The following CNTN5 variants were observed in gnomAD, a reference collection of about 807,000 sequenced individuals.
The protein encoded by CNTN5 is contactin 5.
In CNTN5, 77 loss-of-function variants were observed where a neutral mutation model predicts 129.1. The observed-to-expected ratio is 0.60, with a 90% CI of 0.50 to 0.72. CNTN5 has a LOEUF of 0.72. CNTN5 is among the 30% of genes least tolerant of loss of function. The pLI is 0.00. For synonymous variants in CNTN5, 509 were observed against 465.6 expected, an observed-to-expected ratio of 1.09 and a Z score of -1.20; for missense variants, 1,478 against 1,328.8, an observed-to-expected ratio of 1.11 and a Z score of -1.75.
intron 1 of CNTN5, among the ~76,000 whole-genome samples, chr11:99,193,194 T>C (rs11218743): frequency 0.21 from 32,247 of 152,142 alleles, 3,500 homozygotes; most frequent in Middle Eastern, 0.26. Flanking sequence ...GGGGATAATA[T>C]ACAAAGCTCT....
At chr11:100,156,996 G>A (rs959824290) in intron 13 of CNTN5, among the ~76,000 whole-genome samples, 1 of 151,904 alleles carries the variant, frequency 6.6e-6, no homozygotes, top group Non-Finnish European at 1.5e-5. Context: ...GTCTCCTTCA[G>A]TTCTGCTCTG....
chr11:99,272,228 TA>T (rs1482894973), intron 1 of CNTN5, among the ~76,000 whole-genome samples: 5 of 151,822 alleles, frequency 3.3e-5, no homozygotes, highest in African/African-American at 4.8e-5. Context: ...TGTATGCTTT[TA>T]AATATTGTCT....
intron 18 of CNTN5, among the ~76,000 whole-genome samples, chr11:100,276,954 C>A (rs1007231311): frequency 5.3e-5 from 8 of 151,806 alleles, no homozygotes; most frequent in Admixed American, 5.3e-4. Context: ...TCTTCCCTTC[C>A]CCCCAACCCC....
chr11:100,062,882 T>C (rs1943539737), intron 10 of CNTN5, among the ~76,000 whole-genome samples: 1 of 152,194 alleles, frequency 6.6e-6, no homozygotes, highest in South Asian at 2.1e-4. Flanking sequence ...AAAGTTTTTT[T>C]CTGTACCCCA....
intron 3 of CNTN5, among the ~76,000 whole-genome samples, chr11:99,645,160 T>C (rs1188957419): frequency 7.1e-6 from 1 of 140,058 alleles, no homozygotes; most frequent in Non-Finnish European, 1.5e-5. Flanking sequence ...CTCGGGAGGC[T>C]GAAGCTGGAG....
At chr11:99,446,031 C>G (rs1327954797) in intron 2 of CNTN5, among the ~76,000 whole-genome samples, 1 of 150,994 alleles carries the variant, frequency 6.6e-6, no homozygotes, top group African/African-American at 2.4e-5. Context: ...TTGCAGTGAG[C>G]CAAGGTCGCA....
intron 8 of CNTN5, among the ~76,000 whole-genome samples, chr11:99,971,305 G>C (rs759715983): frequency 1.3e-5 from 2 of 152,110 alleles, no homozygotes; most frequent in Admixed American, 1.3e-4. Flanking sequence ...AGCACTTTGG[G>C]AGGCCAGGGC....
intron 3 of CNTN5, among the ~76,000 whole-genome samples, chr11:99,748,414 TAGAG>T (rs60403723): frequency 6.6e-6 from 1 of 150,916 alleles, no homozygotes; most frequent in African/African-American, 2.4e-5. Context: ...GAACAATCCA[TAGAG>T]AGAGAGAGAG....
intron 7 of CNTN5, among the ~76,000 whole-genome samples, chr11:99,955,429 A>C (rs1162466384): frequency 6.6e-6 from 1 of 152,084 alleles, no homozygotes; most frequent in Non-Finnish European, 1.5e-5. Context: ...TGATGGTAAC[A>C]GTAAAAAACA....
chr11:99,274,819 G>T (rs1247355473), intron 1 of CNTN5, among the ~76,000 whole-genome samples: 1 of 151,366 alleles, frequency 6.6e-6, no homozygotes, highest in Non-Finnish European at 1.5e-5. Context: ...CCTCCCAGAT[G>T]CTGTAAGAAA....
chr11:99,891,157 A>G (rs1432716272), intron 6 of CNTN5, among the ~76,000 whole-genome samples: 1 of 152,210 alleles, frequency 6.6e-6, no homozygotes, highest in African/African-American at 2.4e-5. Flanking sequence ...GTTAATAACA[A>G]TATATAAAAT....
intron 2 of CNTN5, among the ~76,000 whole-genome samples, chr11:99,534,379 A>G (rs1359326332): frequency 6.6e-6 from 1 of 152,188 alleles, no homozygotes; most frequent in Non-Finnish European, 1.5e-5. Context: ...TGAGATTTTC[A>G]TTTAAATAGT....
intron 3 of CNTN5, among the ~76,000 whole-genome samples, chr11:99,663,215 T>A (rs1952660092): frequency 1.3e-5 from 2 of 152,168 alleles, no homozygotes; most frequent in South Asian, 2.1e-4. Context: ...ATGCCTGTAA[T>A]CCCAGCACTT....
intron 3 of CNTN5, among the ~76,000 whole-genome samples, chr11:99,793,099 G>T (rs60157261): frequency 0.11 from 16,060 of 149,238 alleles, 1,513 homozygotes; most frequent in East Asian, 0.42. Context: ...TCACTCTGTC[G>T]CCCAGGCTGG....
intron 1 of CNTN5, among the ~76,000 whole-genome samples, chr11:99,234,448 C>A (rs73000211): frequency 0.031 from 4,763 of 151,890 alleles, 109 homozygotes; most frequent in Middle Eastern, 0.068. Flanking sequence ...CAACTGTTAA[C>A]TATTTACAGG....
intron 7 of CNTN5, among the ~76,000 whole-genome samples, chr11:99,932,233 C>T (rs1950209078): frequency 1.3e-5 from 2 of 152,152 alleles, no homozygotes; most frequent in South Asian, 4.1e-4. Flanking sequence ...CTGTTGTCAG[C>T]CCGGGCTGGA....
At chr11:100,263,573 C>T (rs1950246728) in intron 17 of CNTN5, among the ~76,000 whole-genome samples, 1 of 152,186 alleles carries the variant, frequency 6.6e-6, no homozygotes, top group Non-Finnish European at 1.5e-5. Context: ...CTCATATCAG[C>T]CTCATTCCTG....
chr11:99,864,943 T>C (rs1310499971), intron 6 of CNTN5, among the ~76,000 whole-genome samples: 5 of 152,140 alleles, frequency 3.3e-5, no homozygotes, highest in Non-Finnish European at 7.4e-5. Context: ...CTGTTAAGAA[T>C]AAAAACAATC....
intron 18 of CNTN5, among the ~76,000 whole-genome samples, chr11:100,286,145 A>C (rs1170434165): frequency 1.3e-5 from 2 of 152,104 alleles, no homozygotes; most frequent in Non-Finnish European, 2.9e-5. Context: ...CAGCAGTCTG[A>C]GATCAAACTG....
Sources: gnomAD v4.1 joint callset for allele counts (sites outside exome capture counted in the v4.1 genomes callset) on GRCh38, gnomAD v4.1.1 for gene constraint, MANE v1.5 for transcripts, NCBI Gene and HGNC (gene_info 2026-07-23, HGNC 2026-07-21) for gene names.